Variants in FSTL5 observed in about 807,000 individuals in gnomAD.
FSTL5 encodes the protein follistatin like 5, also known as follistatin-related protein 5.
A neutral mutation model predicts 89.1 loss-of-function variants in FSTL5; 62 were observed. The ratio of observed to expected loss-of-function variants is 0.70; its 90% CI spans 0.57 to 0.86. The LOEUF (loss-of-function observed/expected upper bound fraction) is 0.86, where lower values mean the gene tolerates loss of function less well. FSTL5 is among the 40% of genes least tolerant of loss of function. The probability of loss-of-function intolerance (pLI) is 0.00; values close to 1 mark genes in which losing one functional copy is unlikely to be tolerated. For synonymous variants in FSTL5, 383 were observed against 346.2 expected, an observed-to-expected ratio of 1.11 and a Z score of -1.18; for missense variants, 1,057 against 1,001.6, an observed-to-expected ratio of 1.06 and a Z score of -0.75.
intron 6 of FSTL5, among the ~76,000 whole-genome samples, chr4:161,657,997 G>A (rs1246646207): frequency 6.6e-6 from 1 of 152,156 alleles, no homozygotes; most frequent in Non-Finnish European, 1.5e-5. Context: ...GAAAATCCTA[G>A]TAGAGAAAGG....
At chr4:161,910,168 G>A in intron 4 of FSTL5, among the ~76,000 whole-genome samples, 1 of 152,026 alleles carries the variant, frequency 6.6e-6, no homozygotes, top group Non-Finnish European at 1.5e-5. Context: ...TCCTTGGCTT[G>A]GTTCTCCTTC....
At chr4:161,650,069 G>A (rs1258272980) in intron 7 of FSTL5, among the ~76,000 whole-genome samples, 1 of 152,116 alleles carries the variant, frequency 6.6e-6, no homozygotes, top group Non-Finnish European at 1.5e-5. Context: ...TAAAGTCCTA[G>A]AACTTTAACT....
intron 7 of FSTL5, among the ~76,000 whole-genome samples, chr4:161,592,386 A>G (rs1447442267): frequency 6.6e-6 from 1 of 152,122 alleles, no homozygotes; most frequent in Admixed American, 6.6e-5. Context: ...TCAACTCGTC[A>G]TCTACATTAG....
At chr4:161,980,164 A>T (rs902208732) in intron 3 of FSTL5, among the ~76,000 whole-genome samples, 2 of 146,520 alleles carry the variant, frequency 1.4e-5, no homozygotes, top group Admixed American at 1.3e-4. Flanking sequence ...ATAAAGAAAG[A>T]AAGAAAAAGA....
At chr4:162,028,903 C>A (rs1274660711) in intron 3 of FSTL5, among the ~76,000 whole-genome samples, 2 of 152,148 alleles carry the variant, frequency 1.3e-5, no homozygotes, top group Non-Finnish European at 2.9e-5. Context: ...GAGCCAACCT[C>A]AGAAACTGTG....
intron 6 of FSTL5, among the ~76,000 whole-genome samples, chr4:161,737,076 G>A (rs991348778): frequency 7.9e-5 from 12 of 152,070 alleles, no homozygotes; most frequent in African/African-American, 2.9e-4. Context: ...GAGCAAGGAA[G>A]GGCAGAGACC....
At chr4:161,769,245 G>T (rs1014907124) in intron 5 of FSTL5, among the ~76,000 whole-genome samples, 18 of 151,876 alleles carry the variant, frequency 1.2e-4, no homozygotes, top group Non-Finnish European at 4.4e-5. Context: ...TTCTCTGCTG[G>T]ATTTTACTAA....
intron 6 of FSTL5, among the ~76,000 whole-genome samples, chr4:161,691,067 A>AT (rs1488957783): frequency 6.6e-6 from 1 of 151,686 alleles, no homozygotes; most frequent in South Asian, 2.1e-4. Context: ...CAATTTATCT[A>AT]TTTTTTTCTT....
At chr4:162,027,574 A>G (rs1049051738) in intron 3 of FSTL5, among the ~76,000 whole-genome samples, 14 of 152,158 alleles carry the variant, frequency 9.2e-5, no homozygotes, top group Admixed American at 7.2e-4. Context: ...ACATAAAGAC[A>G]TGACATATTT....
intron 6 of FSTL5, among the ~76,000 whole-genome samples, chr4:161,726,864 A>G (rs1739438811): frequency 6.6e-6 from 1 of 150,874 alleles, no homozygotes; most frequent in Admixed American, 6.6e-5. Flanking sequence ...TAACCTGTCA[A>G]GAGTCACTCA....
At chr4:162,046,703 T>A (rs1051490380) in intron 2 of FSTL5, among the ~76,000 whole-genome samples, 2 of 152,124 alleles carry the variant, frequency 1.3e-5, no homozygotes, top group Non-Finnish European at 2.9e-5. Flanking sequence ...TTTAAAAACA[T>A]AAATCACTAA....
At chr4:162,028,005 A>C (rs984659328) in intron 3 of FSTL5, among the ~76,000 whole-genome samples, 1 of 152,160 alleles carries the variant, frequency 6.6e-6, no homozygotes, top group Non-Finnish European at 1.5e-5. Context: ...TACAACACTT[A>C]ATTATTTTTT....
chr4:161,415,404 C>CACCATCAT (rs1486213103), intron 15 of FSTL5, among the ~76,000 whole-genome samples: 1 of 152,024 alleles, frequency 6.6e-6, no homozygotes, highest in Non-Finnish European at 1.5e-5. Flanking sequence ...TACAGGCACC[C>CACCATCAT]ACCATCATGC....
chr4:161,887,574 C>T (rs1732855761), intron 4 of FSTL5, among the ~76,000 whole-genome samples: 1 of 152,010 alleles, frequency 6.6e-6, no homozygotes, highest in Admixed American at 6.6e-5. Flanking sequence ...CTACAATATC[C>T]TTAATGGTAC....
intron 15 of FSTL5, among the ~76,000 whole-genome samples, chr4:161,440,366 C>CTGGG (rs887565053): frequency 6.9e-4 from 105 of 151,874 alleles, no homozygotes; most frequent in African/African-American, 2.5e-3. Context: ...AAGCATTGTC[C>CTGGG]TGGGGCACAC....
rs990877848 is a variant in FSTL5 at position 161,623,500 on chromosome 4, T to C, written c.894+32828A>G. 1.1e-4 allele frequency among the ~76,000 whole-genome samples: 17 copies of C among 152,130 alleles called. No individual in the cohort carries two copies. In the East Asian group the frequency reaches 1.3e-3, roughly 12 times the overall value. On this transcript the variant is annotated intron_variant, in intron 7 of 15. Coordinates refer to ENST00000306100, the MANE Select transcript of FSTL5 (RefSeq NM_020116.5). The stretch of plus-strand genomic sequence containing the variant: ...GTTAATATTATTTACAATTTTCATA[T>C]TGGTTAAATAATTTTCCTGTTTGTT...
At chr4:161,501,089 G>A (rs1730278552) in intron 11 of FSTL5, among the ~76,000 whole-genome samples, 1 of 152,078 alleles carries the variant, frequency 6.6e-6, no homozygotes, top group South Asian at 2.1e-4. Context: ...ACATAATTCA[G>A]TGATAGCATG....
intron 6 of FSTL5, among the ~76,000 whole-genome samples, chr4:161,682,541 T>C (rs1415983378): frequency 1.3e-5 from 2 of 152,128 alleles, no homozygotes; most frequent in Non-Finnish European, 2.9e-5. Flanking sequence ...AACTTTTTGT[T>C]AAAAAAGAAG....
intron 3 of FSTL5, among the ~76,000 whole-genome samples, chr4:161,988,912 C>T (rs1002491027): frequency 1.3e-5 from 2 of 152,100 alleles, no homozygotes; most frequent in African/African-American, 4.8e-5. Flanking sequence ...TCTTCAAACA[C>T]TAGTGGTCAT....
Sources: allele counts gnomAD v4.1 joint callset (sites outside exome capture counted in the v4.1 genomes callset), GRCh38; gene constraint gnomAD v4.1.1; transcripts MANE v1.5; gene names NCBI Gene and HGNC (gene_info 2026-07-23, HGNC 2026-07-21).